PPP2R2A: variants seen among roughly 807,000 people sequenced by gnomAD.
PPP2R2A encodes protein phosphatase 2 regulatory subunit Balpha.
Under a neutral mutation model 53.2 loss-of-function variants are expected in PPP2R2A, and 9 were observed. The observed-to-expected ratio is 0.17, with a 90% CI of 0.10 to 0.30. The LOEUF is 0.30. Among genes scored for constraint, PPP2R2A ranks in the 10% least tolerant of loss-of-function variants. PPP2R2A has a pLI of 1.00. For synonymous variants in PPP2R2A, 169 were observed against 174.2 expected (o/e 0.97, Z 0.23); for missense variants, 235 against 534.6 (o/e 0.44, Z 5.53).
At position 26,321,807 on chromosome 8, in the gene PPP2R2A, G is replaced by A. The variant is rs1190826641; in HGVS notation, c.83-17083G>A. 6.6e-6 allele frequency among the ~76,000 whole-genome samples: 1 copy of A among 152,208 alleles called. No homozygotes were observed. The highest frequency in any genetic ancestry group is 1.5e-5 in the Non-Finnish European group (1 of 68,032). On this transcript the variant is annotated intron_variant, in intron 2 of 9. Transcript: ENST00000380737. The surrounding 1 kb of genome is among the most constrained non-coding windows in gnomAD (Gnocchi z 4.1). The stretch of plus-strand genomic sequence containing the variant: ...TTCCTGACCTGTTATGAGATAATAA[G>A]TGTTTGTTGTTTTAAGCTGCTACCT...
chr8:26,363,934 T>C, intron 8 of PPP2R2A, 44 bp downstream of exon 8: 1 of 1,485,616 alleles, frequency 6.7e-7, no homozygotes, highest in Non-Finnish European at 9.1e-7. Context: ...CCTGTTTACT[T>C]TGAAGTGTTT....
At chr8:26,351,574 C>T (rs925310542) in intron 3 of PPP2R2A, among the ~76,000 whole-genome samples, 1 of 152,118 alleles carries the variant, frequency 6.6e-6, no homozygotes, top group African/African-American at 2.4e-5. Context: ...ATTATTGTAC[C>T]TTCACATTTA....
intron 3 of PPP2R2A, among the ~76,000 whole-genome samples, chr8:26,349,082 T>C (rs925630052): frequency 7.7e-4 from 118 of 152,268 alleles, no homozygotes; most frequent in African/African-American, 2.8e-3. Flanking sequence ...GGTGACAAGG[T>C]TCAATAAACT....
At chr8:26,311,595 C>T (rs60344760) in intron 2 of PPP2R2A, among the ~76,000 whole-genome samples, 35,292 of 152,066 alleles carry the variant, frequency 0.23, 5,084 homozygotes, top group Non-Finnish European at 0.32. Flanking sequence ...CTTGAAGCCA[C>T]GAGTTCAAAG....
intron 3 of PPP2R2A, among the ~76,000 whole-genome samples, chr8:26,347,472 C>G (rs1472258942): frequency 6.6e-6 from 1 of 151,230 alleles, no homozygotes; most frequent in African/African-American, 2.4e-5. Flanking sequence ...AATAAATAAG[C>G]ATTCCTCCTA....
chr8:26,308,783 T>C (rs1802139274), intron 2 of PPP2R2A, among the ~76,000 whole-genome samples: 1 of 152,234 alleles, frequency 6.6e-6, no homozygotes, highest in African/African-American at 2.4e-5. Context: ...TTGAATTCTT[T>C]CCAGGAGGTT....
chr8:26,345,353 T>C (rs1804158289), intron 3 of PPP2R2A, among the ~76,000 whole-genome samples: 1 of 152,204 alleles, frequency 6.6e-6, no homozygotes, highest in Non-Finnish European at 1.5e-5. Context: ...TAATAATTTT[T>C]CCCTCTTAAT....
intron 2 of PPP2R2A, among the ~76,000 whole-genome samples, chr8:26,323,756 C>T (rs922359923): frequency 1.3e-5 from 2 of 152,112 alleles, no homozygotes; most frequent in Admixed American, 6.5e-5. Context: ...TTCTAGTTTA[C>T]CTTCCTGGAA....
intron 1 of PPP2R2A, chr8:26,293,288 T>C: frequency 6.5e-7 from 1 of 1,530,316 alleles, no homozygotes; most frequent in Non-Finnish European, 8.8e-7. Context: ...TTCATGGTAG[T>C]TTAACCTTAT....
intron 2 of PPP2R2A, among the ~76,000 whole-genome samples, chr8:26,336,346 T>C (rs1803658073): frequency 6.6e-6 from 1 of 152,082 alleles, no homozygotes; most frequent in Non-Finnish European, 1.5e-5. Context: ...GGAAGATTGC[T>C]TGAACCCGGG....
At position 26,370,113 on chromosome 8, in the gene PPP2R2A, G is replaced by C. The variant is rs984728546; in HGVS notation, c.1065-21G>C. 2 of 1,603,860 alleles carry C rather than the reference G, an allele frequency of 1.2e-6. No individual in the cohort carries two copies. The highest frequency in any genetic ancestry group is 2.7e-5 in the African/African-American group (2 of 74,610). On this transcript the variant is annotated intron_variant, in intron 9 of 9. Transcript: ENST00000380737. This position sits in a 1 kb window ranked among gnomAD's most constrained non-coding sequence, Gnocchi z 6.1. ...TTTCTTGTTCTGCTTGTTTGACTGA[G>C]TGTACTGTCTATTTTCACAGTGTTG...
At chr8:26,336,613 G>T (rs142938666) in intron 2 of PPP2R2A, among the ~76,000 whole-genome samples, 20 of 152,184 alleles carry the variant, frequency 1.3e-4, no homozygotes, top group African/African-American at 4.1e-4. Flanking sequence ...GTATGGTAGC[G>T]CTTGCAAACT....
At chr8:26,329,040 G>T (rs924339198) in intron 2 of PPP2R2A, among the ~76,000 whole-genome samples, 1 of 152,088 alleles carries the variant, frequency 6.6e-6, no homozygotes, top group South Asian at 2.1e-4. Flanking sequence ...AGTGATAATT[G>T]TATCTTTTTT....
chr8:26,354,738 CTT>C lies in PPP2R2A; in HGVS notation c.346+108_346+109del. 1 of 1,122,640 alleles carries C rather than the reference CTT, an allele frequency of 8.9e-7. No individual in the cohort carries two copies. Among genetic ancestry groups the C allele is most frequent in the Non-Finnish European group, 1.2e-6 (1 of 849,776 alleles). The allele number at this position is 1,122,640 out of a possible 1,614,324, so 69.5% of individuals were successfully genotyped here. A position where few individuals can be genotyped will look rare whatever the true frequency, so the allele number is the denominator to read the frequency against. On this transcript the variant is annotated intron_variant, in intron 4 of 9. Coordinates refer to ENST00000380737, the MANE Select transcript of PPP2R2A (RefSeq NM_002717.4). This position sits in a 1 kb window ranked among gnomAD's most constrained non-coding sequence, Gnocchi z 4.6. ...TTAACAGAGATACTTGTAAAAAGGA[CTT>C]TTGTTTTTCTATACAGAATGTAAAC...
intron 2 of PPP2R2A, among the ~76,000 whole-genome samples, chr8:26,335,795 A>C (rs763838462): frequency 3.9e-5 from 6 of 152,038 alleles, no homozygotes; most frequent in Non-Finnish European, 5.9e-5. Context: ...AGGATTCCTC[A>C]CCCTACACAA....
chr8:26,318,831 T>A (rs918638833), intron 2 of PPP2R2A, among the ~76,000 whole-genome samples: 3 of 152,214 alleles, frequency 2.0e-5, no homozygotes, highest in Non-Finnish European at 4.4e-5. Context: ...GCCTTGGGAC[T>A]TTTTATGTGG....
intron 2 of PPP2R2A, among the ~76,000 whole-genome samples, chr8:26,310,415 AAT>A (rs1563288327): frequency 6.6e-6 from 1 of 150,688 alleles, no homozygotes; most frequent in Non-Finnish European, 1.5e-5. Context: ...TTCCACAGCA[AAT>A]ATGTATTTTC....
intron 2 of PPP2R2A, among the ~76,000 whole-genome samples, chr8:26,336,216 GA>G (rs1317815793): frequency 2.6e-5 from 4 of 152,030 alleles, no homozygotes; most frequent in Non-Finnish European, 5.9e-5. Context: ...TTGATGCCAA[GA>G]GTTCGAAACC....
intron 4 of PPP2R2A, among the ~76,000 whole-genome samples, chr8:26,359,573 G>A (rs1046311267): frequency 6.6e-6 from 1 of 152,116 alleles, no homozygotes; most frequent in Non-Finnish European, 1.5e-5. Context: ...TGAAGGACTT[G>A]GGGATGTATG....
Sources: allele counts gnomAD v4.1 joint callset (sites outside exome capture counted in the v4.1 genomes callset), GRCh38; gene constraint gnomAD v4.1.1; non-coding constraint Gnocchi (gnomAD v3.1); transcripts MANE v1.5; gene names NCBI Gene and HGNC (gene_info 2026-07-23, HGNC 2026-07-21).